TENM2: variants seen among roughly 807,000 people sequenced by gnomAD.
TENM2 encodes the protein teneurin transmembrane protein 2, also known as teneurin-2.
A neutral mutation model predicts 245.2 loss-of-function variants in TENM2; 52 were observed. The observed-to-expected ratio is 0.21, with a 90% CI of 0.17 to 0.27. The LOEUF (loss-of-function observed/expected upper bound fraction) is 0.27, where lower values mean the gene tolerates loss of function less well. Ranked by LOEUF, TENM2 falls within the 10% of genes least tolerant of loss-of-function variation. The pLI is 1.00. For synonymous variants in TENM2, 1,363 were observed against 1,438.9 expected (o/e 0.95, Z 1.19); for missense variants, 3,046 against 3,666.8 (o/e 0.83, Z 4.37).
chr5:167,872,469 A>T (rs1772965966), intron 2 of TENM2, among the ~76,000 whole-genome samples: 1 of 123,502 alleles, frequency 8.1e-6, no homozygotes, highest in East Asian at 3.1e-4. Flanking sequence ...CACGAAAGAA[A>T]GAAAGAAAGA....
At chr5:167,989,251 TAGATAGAAGATAGAGAAAGAG>T (rs1159353006) in intron 4 of TENM2, among the ~76,000 whole-genome samples, 5 of 145,312 alleles carry the variant, frequency 3.4e-5, no homozygotes, top group African/African-American at 1.3e-4. Flanking sequence ...TGTAGATAGA[TAGATAGAAGATAGAGAAAGAG>T]AGAGAGAGAG....
exon 27 of TENM2, chr5:168,246,903 C>A (rs763903710): frequency 1.2e-6 from 2 of 1,614,010 alleles, no homozygotes; most frequent in South Asian, 2.2e-5. Context: ...ATATTTACAA[C>A]CCGCCTGAAA....
the TENM2 span, among the ~76,000 whole-genome samples, chr5:167,003,802 C>T: frequency 6.6e-6 from 1 of 152,112 alleles, no homozygotes; most frequent in Admixed American, 6.5e-5. Flanking sequence ...ACTCATTGTA[C>T]ATTAGAATGT....
intron 26 of TENM2, among the ~76,000 whole-genome samples, chr5:168,245,139 A>G (rs1183153166): frequency 1.4e-5 from 2 of 147,452 alleles, no homozygotes; most frequent in African/African-American, 2.5e-5. Context: ...CTTCGACTCT[A>G]CAAGGACTTC....
At chr5:167,108,750 G>A in the TENM2 span, among the ~76,000 whole-genome samples, 2 of 152,206 alleles carry the variant, frequency 1.3e-5, no homozygotes, top group Non-Finnish European at 2.9e-5. Context: ...TAGGGGACAT[G>A]GGCATAGCTC....
At chr5:167,948,407 A>G (rs1213917758) in intron 3 of TENM2, among the ~76,000 whole-genome samples, 2 of 152,226 alleles carry the variant, frequency 1.3e-5, no homozygotes, top group Middle Eastern at 3.2e-3. Flanking sequence ...AGCAGGACAG[A>G]CAGCAGTGCT....
chr5:167,504,139 GATACTTGAGCTCGTCTA>G lies in TENM2; in HGVS notation c.502+128669_502+128685del, dbSNP rs542138715. On this transcript the variant is annotated intron_variant, in intron 2 of 28. Transcript: ENST00000518659. ...GATGCAGTTTTTGTCCAATGGAAGT[GATACTTGAGCTCGTCTA>G]ATGAAAATTGTTAAAGTGCCAAGTA... 6.4e-3 allele frequency among the ~76,000 whole-genome samples: 972 copies of G among 152,224 alleles called. 6 individuals carry two copies. The highest frequency in any genetic ancestry group is 0.041 in the Middle Eastern group (12 of 294).
At chr5:167,978,406 T>TAC (rs1288755365) in intron 4 of TENM2, among the ~76,000 whole-genome samples, 2 of 152,254 alleles carry the variant, frequency 1.3e-5, no homozygotes, top group East Asian at 3.9e-4. Context: ...AGAAAAAGTG[T>TAC]ACACACACAC....
At chr5:167,609,488 CA>C (rs5873049) in intron 2 of TENM2, among the ~76,000 whole-genome samples, 10,539 of 36,878 alleles carry the variant, frequency 0.29, 249 homozygotes, top group African/African-American at 0.31. Flanking sequence ...CCTGATGATG[CA>C]AAAAAAAAAA....
rs1429574360 is a variant in TENM2 at position 167,359,877 on chromosome 5, G to T, written c.227-15321G>T. Among the ~76,000 whole-genome samples, 4 of 152,178 alleles carry T rather than the reference G, an allele frequency of 2.6e-5. 1 individual carries two copies. The highest frequency in any genetic ancestry group is 1.3e-4 in the Admixed American group (2 of 15,278). On this transcript the variant is annotated intron_variant, in intron 1 of 28. Transcript: ENST00000518659. ...CATATGAGCCCTTTGCAGGATCATG[G>T]ATAGAGCTAGAGACCATCATCCTTA...
chr5:167,794,770 A>G (rs771306274), intron 2 of TENM2, among the ~76,000 whole-genome samples: 5 of 152,224 alleles, frequency 3.3e-5, no homozygotes, highest in Non-Finnish European at 7.3e-5. Context: ...AGGCAAAGCA[A>G]TGCTAATGGG....
At position 168,032,423 on chromosome 5, in the gene TENM2, G is replaced by A. The variant is rs1307572597; in HGVS notation, c.1187-15004G>A. 2.0e-5 allele frequency among the ~76,000 whole-genome samples: 3 copies of A among 152,154 alleles called. No homozygotes were observed. In the East Asian group the frequency reaches 5.8e-4, roughly 29 times the overall value. ...AAACTGGGATGCCCAGGAAACATCT[G>A]GGGTAGTCTGGGCTATGAAGACCCT... On this transcript the variant is annotated intron_variant, in intron 5 of 28. Coordinates refer to ENST00000518659, the Ensembl canonical transcript of TENM2.
chr5:167,038,052 G>A, the TENM2 span, among the ~76,000 whole-genome samples: 3 of 152,350 alleles, frequency 2.0e-5, no homozygotes, highest in South Asian at 2.1e-4. Flanking sequence ...AGGCAGAACA[G>A]GTACAGGAGA....
At chr5:168,181,227 T>C (rs1759856464) in intron 13 of TENM2, among the ~76,000 whole-genome samples, 1 of 152,228 alleles carries the variant, frequency 6.6e-6, no homozygotes, top group African/African-American at 2.4e-5. Flanking sequence ...GTTGATGGCA[T>C]TTGTTTTTGG....
the TENM2 span, among the ~76,000 whole-genome samples, chr5:167,014,662 G>A: frequency 3.3e-5 from 5 of 152,192 alleles, no homozygotes; most frequent in African/African-American, 4.8e-5. Context: ...AACAGATGTG[G>A]CTGGTTAATT....
intron 5 of TENM2, among the ~76,000 whole-genome samples, chr5:167,995,383 TAGTTC>T (rs767925308): frequency 1.6e-4 from 24 of 152,238 alleles, no homozygotes; most frequent in Non-Finnish European, 2.4e-4. Context: ...CATCGTTTAT[TAGTTC>T]ATAATCCATC....
intron 2 of TENM2, among the ~76,000 whole-genome samples, chr5:167,669,503 G>A (rs1316772002): frequency 6.6e-6 from 1 of 152,068 alleles, no homozygotes; most frequent in Admixed American, 6.6e-5. Flanking sequence ...ACACAAATTA[G>A]TATGAGCACA....
the TENM2 span, among the ~76,000 whole-genome samples, chr5:167,121,963 C>T: frequency 2.0e-4 from 31 of 152,206 alleles, no homozygotes; most frequent in Admixed American, 1.2e-3. Context: ...AAAAAGATTG[C>T]GAAGCTCATT....
At chr5:167,224,554 T>C in the TENM2 span, among the ~76,000 whole-genome samples, 32,228 of 151,870 alleles carry the variant, frequency 0.21, 4,076 homozygotes, top group African/African-American at 0.36. Context: ...TATGAGTCTA[T>C]GTTAATACCA....
Sources: gnomAD v4.1 joint callset for allele counts (sites outside exome capture counted in the v4.1 genomes callset) on GRCh38, gnomAD v4.1.1 for gene constraint, MANE v1.5 for transcripts, NCBI Gene and HGNC (gene_info 2026-07-23, HGNC 2026-07-21) for gene names.